The following IPP variants were observed in gnomAD, a reference collection of about 807,000 sequenced individuals.
IPP encodes actin-binding protein IPP.
In IPP, 41 loss-of-function variants were observed where a neutral mutation model predicts 64.1. That is an observed-to-expected ratio of 0.64 (90% CI 0.50 to 0.83). IPP has a LOEUF of 0.83. Ranked by LOEUF, IPP falls within the 40% of genes least tolerant of loss-of-function variation. IPP has a pLI of 0.00. For synonymous variants in IPP, 214 were observed against 235.2 expected, an observed-to-expected ratio of 0.91 and a Z score of 0.83; for missense variants, 649 against 703.0, an observed-to-expected ratio of 0.92 and a Z score of 0.87.
chr1:45,729,776 C>A lies in IPP; in HGVS notation c.725-7G>T. The A allele has an allele frequency of 6.7e-7, 1 of 1,502,204 alleles. No individual in the cohort carries two copies. Among genetic ancestry groups the A allele is most frequent in the South Asian group, 1.3e-5 (1 of 78,888 alleles). The allele number at this position is 1,502,204 out of a possible 1,614,324, so 93.1% of individuals were successfully genotyped here. On this transcript the variant is annotated splice_region_variant and splice_polypyrimidine_tract_variant and intron_variant, in intron 3 of 8. Transcript: ENST00000396478. ...AGATTAAAATCGGATACTCCTAAAA[C>A]AATATTTAAAAAGACAATGTTTTAA...
chr1:45,748,348 T>C (rs1646168810), intron 1 of IPP, among the ~76,000 whole-genome samples: 1 of 152,002 alleles, frequency 6.6e-6, no homozygotes, highest in Admixed American at 6.6e-5. Flanking sequence ...GTCACCCAAA[T>C]TGAAGTGAAA....
rs772610516 is a variant in IPP, at chr1:45,741,129, A to G, written c.496T>C (p.Phe166Leu). The G allele has an allele frequency of 1.8e-5, 29 of 1,614,042 alleles. No homozygotes were observed. The East Asian group carries it at 6.0e-4, about 33-fold the overall frequency. Residue 166 changes from phenylalanine (F) to leucine (L), a missense_variant, in exon 3 of 9, where the codon TTC becomes CTC. Phe to Leu is a conservative substitution (Grantham distance 22, BLOSUM62 0). Transcript: ENST00000396478. The stretch of plus-strand genomic sequence containing the variant: ...TCTTCTCCACTATGAACCTCCAAGA[A>G]ATGGACATGAATGTAGTTTTCTGAG... ...EFSENYIHVHFLEVHSGEEFL... is the reference protein window; with the variant it reads ...EFSENYIHVHLLEVHSGEEFL...
chr1:45,743,473 G>T (rs989120822), intron 2 of IPP, among the ~76,000 whole-genome samples: 8 of 151,996 alleles, frequency 5.3e-5, no homozygotes, highest in African/African-American at 1.7e-4. Flanking sequence ...CAGCTACTAG[G>T]GAGGCTGAGG....
intron 1 of IPP, among the ~76,000 whole-genome samples, chr1:45,747,741 T>C (rs1570063275): frequency 7.1e-6 from 1 of 141,354 alleles, no homozygotes; most frequent in South Asian, 2.3e-4. Context: ...GGCACAAGAA[T>C]CACCTGAGCC....
intron 1 of IPP, among the ~76,000 whole-genome samples, chr1:45,747,177 C>T (rs563524103): frequency 7.2e-5 from 11 of 152,180 alleles, no homozygotes; most frequent in African/African-American, 2.6e-4. Context: ...CAGGTACTAT[C>T]TTTCATAGCT....
At chr1:45,736,110 C>CAA (rs766679158) in intron 3 of IPP, among the ~76,000 whole-genome samples, 4 of 111,204 alleles carry the variant, frequency 3.6e-5, no homozygotes, top group Non-Finnish European at 5.6e-5. Flanking sequence ...GACTCCATCT[C>CAA]AAAAAAAAAA....
chr1:45,734,588 G>A (rs1172364916), intron 3 of IPP, among the ~76,000 whole-genome samples: 1 of 151,840 alleles, frequency 6.6e-6, no homozygotes, highest in African/African-American at 2.4e-5. Flanking sequence ...CTACTAGTAG[G>A]CACCACCATG....
intron 8 of IPP, among the ~76,000 whole-genome samples, chr1:45,702,309 CAA>C (rs539770674): frequency 7.3e-6 from 1 of 136,762 alleles, no homozygotes; most frequent in Non-Finnish European, 1.6e-5. Context: ...CATGTTACCT[CAA>C]AAAAAAAAAA....
intron 8 of IPP, among the ~76,000 whole-genome samples, chr1:45,702,414 T>C (rs1645467286): frequency 1.3e-5 from 2 of 152,186 alleles, no homozygotes; most frequent in Admixed American, 1.3e-4. Context: ...AAATTTCATA[T>C]GCATAAAAAA....
chr1:45,725,602 T>C (rs1412061825), intron 5 of IPP, among the ~76,000 whole-genome samples: 35 of 136,162 alleles, frequency 2.6e-4, no homozygotes, highest in South Asian at 1.1e-3. Flanking sequence ...CAGCGGCTCA[T>C]TGGGGATGGG....
At chr1:45,704,394 C>T (rs897365017) in intron 8 of IPP, among the ~76,000 whole-genome samples, 5 of 152,212 alleles carry the variant, frequency 3.3e-5, no homozygotes, top group South Asian at 2.1e-4. Flanking sequence ...CCTGCCACCA[C>T]GCCCAGCTAA....
chr1:45,712,303 A>AAG (rs1311089476), intron 8 of IPP, among the ~76,000 whole-genome samples: 2 of 151,662 alleles, frequency 1.3e-5, no homozygotes, highest in African/African-American at 2.4e-5. Context: ...ACGTCTAAAA[A>AAG]AAAAAAAAAA....
Position 45,727,799 on chromosome 1 carries a change from CT to C in IPP, c.881-2del, listed in dbSNP as rs1304258242. ...CCCCCCTGCAACCGAGTATATCCACCTAAACAAAAGAAGAAAAGGTAGTAAT... is the reference window on the plus strand; with the variant it reads ...CCCCCCTGCAACCGAGTATATCCACCAAACAAAAGAAGAAAAGGTAGTAAT... On this transcript the variant is annotated splice_acceptor_variant, in intron 4 of 8. Transcript: ENST00000396478. LOFTEE classifies it high-confidence loss of function. 6.6e-7 allele frequency: 1 copy of C among 1,513,602 alleles called. No individual in the cohort carries two copies. The highest frequency in any genetic ancestry group is 1.8e-5 in the Admixed American group (1 of 55,510). 93.8% of individuals were successfully genotyped at this position (1,513,602 alleles called of 1,614,324 possible).
At chr1:45,745,138 A>G (rs1016667810) in intron 2 of IPP, among the ~76,000 whole-genome samples, 1 of 152,116 alleles carries the variant, frequency 6.6e-6, no homozygotes, top group Non-Finnish European at 1.5e-5. Flanking sequence ...GCCTCAAGCA[A>G]TCCTCTCACA....
chr1:45,719,380 A>G, intron 5 of IPP, 40 bp from the exon 6 acceptor site: 1 of 1,371,226 alleles, frequency 7.3e-7, no homozygotes, highest in Non-Finnish European at 1.0e-6. Context: ...AAAGTTTAGT[A>G]ATGCCAACAG....
chr1:45,696,468 A>T (rs1019717196), downstream of IPP, among the ~76,000 whole-genome samples: 6 of 152,224 alleles, frequency 3.9e-5, no homozygotes, highest in African/African-American at 1.4e-4. Context: ...TAGATACTTT[A>T]TTAGTACATT....
chr1:45,714,375 T>C lies in IPP; in HGVS notation c.1401A>G (p.Pro467=), dbSNP rs1245005536. The C allele has an allele frequency of 6.2e-7, 1 of 1,614,016 alleles. No homozygotes were observed. The highest frequency in any genetic ancestry group is 8.5e-7 in the Non-Finnish European group (1 of 1,179,862). The change falls in exon 8 of 9, where the codon CCA becomes CCG. Residue 467 remains proline, a synonymous_variant. Coordinates refer to ENST00000396478, the MANE Select transcript of IPP (RefSeq NM_005897.3). Reference sequence around the variant, plus strand: ...CTCTCCTGGTTCCCATTGGAGGAAGTGGAGACCAACGCTTAGAAAGTGGAT... The same window carrying C: ...CTCTCCTGGTTCCCATTGGAGGAAGCGGAGACCAACGCTTAGAAAGTGGAT... ...VYDPLSKRWS[P]LPPMGTRRAY...
Position 45,707,209 on chromosome 1 carries a change from G to A in IPP, c.1531-7019C>T, listed in dbSNP as rs934898251. Among the ~76,000 whole-genome samples the A allele has an allele frequency of 2.8e-4, 42 of 152,274 alleles. 1 individual carries two copies. Among genetic ancestry groups the A allele is most frequent in the Middle Eastern group, 6.8e-3 (2 of 294 alleles). On this transcript the variant is annotated intron_variant, in intron 8 of 8. Transcript: ENST00000396478. ...GAGGCCGAGGCGGGTGGATCATGAG[G>A]TCAGGAGATCGAGACCATCCTGGCT...
At chr1:45,750,228 T>A (rs1646203186) in intron 1 of IPP, among the ~76,000 whole-genome samples, 1 of 152,136 alleles carries the variant, frequency 6.6e-6, no homozygotes, top group Non-Finnish European at 1.5e-5. Context: ...GTGCTTGAGT[T>A]GGGGGCCCGG....
Sources: allele counts gnomAD v4.1 joint callset (sites outside exome capture counted in the v4.1 genomes callset), GRCh38; gene constraint gnomAD v4.1.1; transcripts MANE v1.5; gene names NCBI Gene and HGNC (gene_info 2026-07-23, HGNC 2026-07-21).